Variants in SLC1A1 observed in about 807,000 individuals in gnomAD.
The protein encoded by SLC1A1 is solute carrier family 1 member 1, also known as excitatory amino acid transporter 3.
A neutral mutation model predicts 53.3 loss-of-function variants in SLC1A1; 43 were observed. That is an observed-to-expected ratio of 0.81 (90% CI 0.63 to 1.04). SLC1A1 has a LOEUF of 1.04. Among genes scored for constraint, SLC1A1 ranks in the 50% least tolerant of loss-of-function variants. SLC1A1 has a pLI of 0.00. For missense variants in SLC1A1, 748 were observed against 664.9 expected, an observed-to-expected ratio of 1.12 and a Z score of -1.37; for synonymous variants, 307 against 243.2, an observed-to-expected ratio of 1.26 and a Z score of -2.44.
At position 4,548,591 on chromosome 9, in the gene SLC1A1, C is replaced by G. The variant is rs536177520; in HGVS notation, c.232+3884C>G. 2.0e-5 allele frequency among the ~76,000 whole-genome samples: 3 copies of G among 152,084 alleles called. No individual in the cohort carries two copies. In the South Asian group the frequency reaches 6.3e-4, roughly 32 times the overall value. On this transcript the variant is annotated intron_variant, in intron 2 of 11. Coordinates refer to ENST00000262352, the MANE Select transcript of SLC1A1 (RefSeq NM_004170.6). ...CTTTTTTAAAAAACAGGAAGAACCC[C>G]TTTTTATGTGATGATAAGGTTAAGA...
At chr9:4,585,098 A>C (rs1288024684) in intron 11 of SLC1A1, among the ~76,000 whole-genome samples, 1 of 152,152 alleles carries the variant, frequency 6.6e-6, no homozygotes, top group East Asian at 1.9e-4. Context: ...ATTTAGGGAG[A>C]CTTAGGGGAG....
intron 2 of SLC1A1, among the ~76,000 whole-genome samples, chr9:4,555,623 C>T (rs777202124): frequency 1.3e-5 from 2 of 152,162 alleles, no homozygotes; most frequent in African/African-American, 2.4e-5. Context: ...CAAGGACAAC[C>T]GGGGATTTTA....
chr9:4,585,162 T>C (rs747750742), intron 11 of SLC1A1, 150 bp from the exon 12 acceptor site: 4 of 983,174 alleles, frequency 4.1e-6, no homozygotes, highest in Admixed American at 2.0e-5. Context: ...ACCCCAGGCC[T>C]GTGAGGAGCC....
intron 11 of SLC1A1, 64 bp from the exon 12 acceptor site, chr9:4,585,248 C>G: frequency 1.3e-6 from 2 of 1,598,560 alleles, no homozygotes; most frequent in Non-Finnish European, 1.7e-6. Context: ...GTCCTTGCAT[C>G]TCTCCAGTGA....
chr9:4,562,675 T>A (rs1388273271), intron 3 of SLC1A1, among the ~76,000 whole-genome samples: 2 of 152,134 alleles, frequency 1.3e-5, no homozygotes, highest in African/African-American at 4.8e-5. Context: ...GTGTTTGGTT[T>A]TTTGTTCTTG....
At chr9:4,503,410 T>C (rs781337918) in intron 1 of SLC1A1, among the ~76,000 whole-genome samples, 1 of 151,888 alleles carries the variant, frequency 6.6e-6, no homozygotes, top group Admixed American at 6.6e-5. Flanking sequence ...GTCTGTATTT[T>C]GTCCTCTCAG....
intron 10 of SLC1A1, among the ~76,000 whole-genome samples, chr9:4,579,827 C>T (rs192392562): frequency 6.6e-6 from 1 of 152,078 alleles, no homozygotes; most frequent in South Asian, 2.1e-4. Flanking sequence ...CCAAAACATA[C>T]CCTTTTGTGG....
intron 1 of SLC1A1, among the ~76,000 whole-genome samples, chr9:4,512,696 C>T (rs1342542084): frequency 6.6e-6 from 1 of 152,038 alleles, no homozygotes; most frequent in Non-Finnish European, 1.5e-5. Context: ...TTGCACCAAC[C>T]TAATAGATGA....
At chr9:4,580,605 G>A (rs1417694812) in intron 10 of SLC1A1, among the ~76,000 whole-genome samples, 2 of 81,016 alleles carry the variant, frequency 2.5e-5, no homozygotes, top group Non-Finnish European at 5.1e-5. Flanking sequence ...ATATATATGT[G>A]TGTGTGTGTG....
At chr9:4,506,564 A>T (rs1820816808) in intron 1 of SLC1A1, among the ~76,000 whole-genome samples, 1 of 134,990 alleles carries the variant, frequency 7.4e-6, no homozygotes, top group Non-Finnish European at 1.7e-5. Context: ...TAGCTTATTT[A>T]TTTTGAAAAA....
intron 2 of SLC1A1, among the ~76,000 whole-genome samples, chr9:4,545,621 C>T (rs1362830459): frequency 6.6e-6 from 1 of 152,192 alleles, no homozygotes; most frequent in African/African-American, 2.4e-5. Flanking sequence ...ATGTGTCTGC[C>T]CTGCATATTT....
Position 4,583,958 on chromosome 9 carries a change from C to A in SLC1A1, c.1328+786C>A, listed in dbSNP as rs2129885143. On this transcript the variant is annotated intron_variant, in intron 11 of 11. Coordinates refer to ENST00000262352, the MANE Select transcript of SLC1A1 (RefSeq NM_004170.6). The surrounding 1 kb of genome is among the most constrained non-coding windows in gnomAD (Gnocchi z 4.6). ...CTGGGTGAGAAAGTACCTTCAGTGACCCTCAAGGTTAAAGTTAGAACCAGC... is the reference window on the plus strand; with the variant it reads ...CTGGGTGAGAAAGTACCTTCAGTGAACCTCAAGGTTAAAGTTAGAACCAGC... 6.6e-6 allele frequency among the ~76,000 whole-genome samples: 1 copy of A among 152,110 alleles called. No individual in the cohort carries two copies. Among genetic ancestry groups the A allele is most frequent in the South Asian group, 2.1e-4 (1 of 4,816 alleles).
chr9:4,527,562 G>A (rs1438195404), intron 1 of SLC1A1, among the ~76,000 whole-genome samples: 2 of 152,054 alleles, frequency 1.3e-5, no homozygotes, highest in Non-Finnish European at 2.9e-5. Context: ...TTGCCATTCT[G>A]CTATACCTTC....
At chr9:4,568,986 C>T (rs1819766313) in intron 6 of SLC1A1, among the ~76,000 whole-genome samples, 1 of 152,106 alleles carries the variant, frequency 6.6e-6, no homozygotes, top group African/African-American at 2.4e-5. Flanking sequence ...TGTATTTCCC[C>T]CAGGAGCAAC....
intron 1 of SLC1A1, among the ~76,000 whole-genome samples, chr9:4,494,692 A>G (rs1820354838): frequency 6.6e-6 from 1 of 151,756 alleles, no homozygotes; most frequent in Non-Finnish European, 1.5e-5. Context: ...TAAATTCTGA[A>G]GGAAGGTTTT....
intron 7 of SLC1A1, 111 bp downstream of exon 7, chr9:4,572,499 C>A: frequency 2.1e-6 from 2 of 966,274 alleles, no homozygotes; most frequent in Non-Finnish European, 3.4e-6. Flanking sequence ...AGAAGTTGGA[C>A]ATTTAATATT....
intron 1 of SLC1A1, 24 bp downstream of exon 1, chr9:4,490,794 A>G (rs1428951954): frequency 6.3e-7 from 1 of 1,583,268 alleles, no homozygotes; most frequent in African/African-American, 1.3e-5. Context: ...CGGGTGGGCG[A>G]TGCGCGCACC....
At chr9:4,502,342 A>G (rs904698581) in intron 1 of SLC1A1, among the ~76,000 whole-genome samples, 2 of 135,608 alleles carry the variant, frequency 1.5e-5, no homozygotes, top group African/African-American at 2.9e-5. Flanking sequence ...AGCCAAGATC[A>G]CACCACAGCA....
chr9:4,530,954 C>T (rs1054760448), intron 1 of SLC1A1, among the ~76,000 whole-genome samples: 5 of 152,174 alleles, frequency 3.3e-5, no homozygotes, highest in Admixed American at 1.3e-4. Flanking sequence ...GAAAAGTCAG[C>T]AACATTCAGC....
Sources: allele counts gnomAD v4.1 joint callset (sites outside exome capture counted in the v4.1 genomes callset), GRCh38; gene constraint gnomAD v4.1.1; non-coding constraint Gnocchi (gnomAD v3.1); transcripts MANE v1.5; gene names NCBI Gene and HGNC (gene_info 2026-07-23, HGNC 2026-07-21).